The following SUGCT variants were observed in gnomAD, a reference collection of about 807,000 sequenced individuals.
SUGCT encodes succinyl-CoA:glutarate CoA-transferase.
A neutral mutation model predicts 55.0 loss-of-function variants in SUGCT; 41 were observed. That is an observed-to-expected ratio of 0.74 (90% confidence interval 0.58 to 0.97). The LOEUF is 0.97. SUGCT is among the 50% of genes least tolerant of loss of function. The pLI is 0.00. For missense variants in SUGCT, 568 were observed against 547.8 expected, an observed-to-expected ratio of 1.04 and a Z score of -0.37; for synonymous variants, 187 against 200.4, an observed-to-expected ratio of 0.93 and a Z score of 0.56.
intron 11 of SUGCT, among the ~76,000 whole-genome samples, chr7:40,485,417 CTTTTTTTTTTTTT>C (rs397889166): frequency 1.1e-4 from 8 of 74,446 alleles, no homozygotes; most frequent in Non-Finnish European, 1.2e-4. Flanking sequence ...TATATACATT[CTTTTTTTTTTTTT>C]TTTTTTTTTT....
At chr7:40,279,680 A>G (rs1792823857) in intron 8 of SUGCT, among the ~76,000 whole-genome samples, 1 of 152,176 alleles carries the variant, frequency 6.6e-6, no homozygotes, top group South Asian at 2.1e-4. Context: ...ACGTTTCATA[A>G]TAGATAAACC....
At chr7:40,229,064 C>T (rs1234543676) in intron 6 of SUGCT, among the ~76,000 whole-genome samples, 1 of 152,132 alleles carries the variant, frequency 6.6e-6, no homozygotes, top group Non-Finnish European at 1.5e-5. Flanking sequence ...TTGTACCTTT[C>T]CTGCCCCATC....
chr7:40,189,505 A>T, intron 4 of SUGCT, 39 bp from the exon 5 acceptor site: 1 of 745,274 alleles, frequency 1.3e-6, no homozygotes, highest in Non-Finnish European at 1.8e-6. Flanking sequence ...TGTTTTGGTC[A>T]TCGAAATAAT....
chr7:40,579,199 G>A (rs1004273606), intron 12 of SUGCT, among the ~76,000 whole-genome samples: 2 of 151,848 alleles, frequency 1.3e-5, no homozygotes, highest in African/African-American at 4.8e-5. Flanking sequence ...ATCAATCGAG[G>A]GGACACATTT....
intron 12 of SUGCT, among the ~76,000 whole-genome samples, chr7:40,544,947 TATAGA>T (rs1349006620): frequency 2.0e-5 from 3 of 152,164 alleles, no homozygotes; most frequent in African/African-American, 7.2e-5. Flanking sequence ...ACTATAATTT[TATAGA>T]ATAGCTCTCC....
the SUGCT span, among the ~76,000 whole-genome samples, chr7:41,020,155 T>C: frequency 6.6e-6 from 1 of 152,216 alleles, no homozygotes; most frequent in African/African-American, 2.4e-5. Flanking sequence ...TATGTTATGG[T>C]TTTACCAGGT....
At chr7:40,490,845 A>T (rs1253806716) in intron 11 of SUGCT, among the ~76,000 whole-genome samples, 1 of 152,136 alleles carries the variant, frequency 6.6e-6, no homozygotes, top group African/African-American at 2.4e-5. Flanking sequence ...CCTAAGACAT[A>T]CTGCAAGATT....
chr7:40,666,360 AAGG>A (rs1562934805), intron 12 of SUGCT, among the ~76,000 whole-genome samples: 11 of 136,280 alleles, frequency 8.1e-5, no homozygotes, highest in South Asian at 2.4e-4. Flanking sequence ...GAAAGAAAGG[AAGG>A]AAGGAAGGAA....
chr7:40,878,549 T>C, the SUGCT span, among the ~76,000 whole-genome samples: 1 of 152,310 alleles, frequency 6.6e-6, no homozygotes, highest in African/African-American at 2.4e-5. Context: ...GTACCCACAT[T>C]AGCTGCTCTA....
At chr7:40,138,632 C>G (rs1223845622) in intron 1 of SUGCT, among the ~76,000 whole-genome samples, 1 of 147,662 alleles carries the variant, frequency 6.8e-6, no homozygotes, top group Non-Finnish European at 1.5e-5. Flanking sequence ...AAGAAGAGTT[C>G]CCTTTTCTCA....
At chr7:40,779,327 CTG>C (rs1395527918) in intron 13 of SUGCT, among the ~76,000 whole-genome samples, 1 of 152,164 alleles carries the variant, frequency 6.6e-6, no homozygotes, top group African/African-American at 2.4e-5. Context: ...CTCTGTTCAT[CTG>C]TAATTTAGTC....
chr7:40,922,727 G>T, the SUGCT span, among the ~76,000 whole-genome samples: 8 of 152,216 alleles, frequency 5.3e-5, no homozygotes, highest in Non-Finnish European at 1.0e-4. Flanking sequence ...CTTGACAGTT[G>T]CCTCGAGTTG....
chr7:40,656,271 C>T (rs113908206), intron 12 of SUGCT, among the ~76,000 whole-genome samples: 25 of 150,030 alleles, frequency 1.7e-4, no homozygotes, highest in African/African-American at 5.9e-4. Context: ...GTCTGAACAC[C>T]GAGATTTGAC....
intron 9 of SUGCT, among the ~76,000 whole-genome samples, chr7:40,339,364 C>T (rs1796914010): frequency 6.6e-6 from 1 of 152,194 alleles, no homozygotes; most frequent in Admixed American, 6.5e-5. Context: ...CAGAGGCAGG[C>T]AGGCCTCCTT....
At chr7:41,004,218 C>T in the SUGCT span, among the ~76,000 whole-genome samples, 2 of 152,196 alleles carry the variant, frequency 1.3e-5, no homozygotes, top group Non-Finnish European at 2.9e-5. Flanking sequence ...TCATTAGATT[C>T]GCTGACTGCT....
At chr7:40,315,045 T>C (rs1161459858) in intron 8 of SUGCT, among the ~76,000 whole-genome samples, 1 of 152,226 alleles carries the variant, frequency 6.6e-6, no homozygotes, top group Admixed American at 6.5e-5. Flanking sequence ...TGAAATATTA[T>C]CTGCTTACAT....
chr7:40,988,512 A>C, the SUGCT span, among the ~76,000 whole-genome samples: 2 of 152,012 alleles, frequency 1.3e-5, no homozygotes, highest in South Asian at 2.1e-4. Context: ...GGAGGTGTTC[A>C]AAAAAACTGA....
chr7:40,153,793 A>G (rs1788712499), intron 1 of SUGCT: 1 of 407,938 alleles, frequency 2.5e-6, no homozygotes, highest in African/African-American at 2.1e-5. Context: ...ATCCTTGCCC[A>G]TAGATGCTGT....
intron 7 of SUGCT, among the ~76,000 whole-genome samples, chr7:40,245,718 G>A (rs1205246275): frequency 6.6e-6 from 1 of 151,538 alleles, no homozygotes; most frequent in Non-Finnish European, 1.5e-5. Context: ...GATTACAGGC[G>A]TGAGCCACTG....
Sources: allele counts gnomAD v4.1 joint callset (sites outside exome capture counted in the v4.1 genomes callset), GRCh38; gene constraint gnomAD v4.1.1; transcripts MANE v1.5; gene names NCBI Gene and HGNC (gene_info 2026-07-23, HGNC 2026-07-21).